The following COMMD10 variants were observed in gnomAD, a reference collection of about 807,000 sequenced individuals.
The protein encoded by COMMD10 is COMM domain containing 10, also known as COMM domain-containing protein 10.
COMMD10 carries 33 observed loss-of-function variants against 28.9 expected under a neutral mutation model. The observed-to-expected ratio is 1.14, with a 90% CI of 0.87 to 1.53. COMMD10 has a LOEUF of 1.53. Among genes scored for constraint, COMMD10 ranks in the 40% most tolerant of loss-of-function variants. COMMD10 has a pLI of 0.00. For synonymous variants in COMMD10, 110 were observed against 81.7 expected, an observed-to-expected ratio of 1.35 and a Z score of -1.87; for missense variants, 310 against 233.4, an observed-to-expected ratio of 1.33 and a Z score of -2.14.
intron 5 of COMMD10, among the ~76,000 whole-genome samples, chr5:116,178,067 CT>C (rs1407173459): frequency 6.6e-6 from 1 of 151,986 alleles, no homozygotes; most frequent in Non-Finnish European, 1.5e-5. Flanking sequence ...TGTTTTCTGC[CT>C]GTAAAAGAAA....
intron 5 of COMMD10, among the ~76,000 whole-genome samples, chr5:116,196,565 G>T (rs1223183476): frequency 6.6e-6 from 1 of 151,012 alleles, no homozygotes; most frequent in Non-Finnish European, 1.5e-5. Flanking sequence ...TTTGGTTAAT[G>T]TAGATTATTA....
At chr5:116,291,489 T>G (rs1451302198) in intron 5 of COMMD10, 28 bp from the exon 6 acceptor site, 1 of 1,522,630 alleles carries the variant, frequency 6.6e-7, no homozygotes, top group Non-Finnish European at 9.0e-7. Flanking sequence ...TGCAACTACA[T>G]TCTTTTTGTT....
At chr5:116,197,755 C>T (rs1357834491) in intron 5 of COMMD10, among the ~76,000 whole-genome samples, 1 of 152,054 alleles carries the variant, frequency 6.6e-6, no homozygotes, top group Admixed American at 6.6e-5. Flanking sequence ...TCTGACACTG[C>T]AGTAAAGTGC....
chr5:116,122,362 C>T (rs1284241470), intron 4 of COMMD10, among the ~76,000 whole-genome samples: 1 of 152,186 alleles, frequency 6.6e-6, no homozygotes, highest in Admixed American at 6.5e-5. Flanking sequence ...GGTACCAGTA[C>T]CATGCTGTTT....
chr5:116,139,290 A>G (rs563354161), intron 5 of COMMD10, among the ~76,000 whole-genome samples: 2 of 151,894 alleles, frequency 1.3e-5, no homozygotes, highest in African/African-American at 4.8e-5. Flanking sequence ...ATTCTTATGT[A>G]GTAAGTAAAG....
At chr5:116,181,160 A>T (rs1271497468) in intron 5 of COMMD10, among the ~76,000 whole-genome samples, 1 of 152,078 alleles carries the variant, frequency 6.6e-6, no homozygotes, top group African/African-American at 2.4e-5. Flanking sequence ...TTATAAAATA[A>T]AAAAGTCTTT....
chr5:116,288,729 T>TTA (rs1237078949), intron 5 of COMMD10, among the ~76,000 whole-genome samples: 4 of 151,762 alleles, frequency 2.6e-5, no homozygotes, highest in Non-Finnish European at 5.9e-5. Flanking sequence ...ATACCTCTAA[T>TTA]AAGTTTTTCC....
intron 5 of COMMD10, among the ~76,000 whole-genome samples, chr5:116,288,651 G>C (rs187712209): frequency 2.6e-5 from 4 of 151,108 alleles, no homozygotes; most frequent in African/African-American, 9.8e-5. Context: ...TTTCTCCTCT[G>C]CTCAGTGATT....
At chr5:116,256,703 G>A (rs554526744) in intron 5 of COMMD10, among the ~76,000 whole-genome samples, 9 of 151,900 alleles carry the variant, frequency 5.9e-5, no homozygotes, top group East Asian at 1.9e-4. Flanking sequence ...AAGTCTTAAC[G>A]TGAATTCATT....
chr5:116,232,346 T>TA (rs113622869), intron 5 of COMMD10, among the ~76,000 whole-genome samples: 39,512 of 144,552 alleles, frequency 0.27, 5,670 homozygotes, highest in African/African-American at 0.4. Flanking sequence ...ATCACTGTCC[T>TA]AAAAAAAAAA....
intron 5 of COMMD10, among the ~76,000 whole-genome samples, chr5:116,280,609 C>T (rs767559689): frequency 1.3e-5 from 2 of 151,768 alleles, no homozygotes; most frequent in African/African-American, 2.4e-5. Flanking sequence ...ACATGTTACT[C>T]TTAAATGTTT....
chr5:116,271,019 G>A (rs148903546), intron 5 of COMMD10, among the ~76,000 whole-genome samples: 2,191 of 151,436 alleles, frequency 0.014, 81 homozygotes, highest in African/African-American at 0.046. Flanking sequence ...TCATAAATTG[G>A]GGCAGGAAAT....
At chr5:116,142,279 C>T (rs1422265546) in intron 5 of COMMD10, among the ~76,000 whole-genome samples, 2 of 151,722 alleles carry the variant, frequency 1.3e-5, no homozygotes, top group African/African-American at 2.4e-5. Context: ...CTATGACAGA[C>T]ATATTAGGAT....
chr5:116,220,247 A>G (rs1342825678), intron 5 of COMMD10, among the ~76,000 whole-genome samples: 1 of 152,190 alleles, frequency 6.6e-6, no homozygotes, highest in African/African-American at 2.4e-5. Context: ...ATAACAATCT[A>G]GGTACTGAGT....
At chr5:116,151,772 G>A (rs1048086100) in intron 5 of COMMD10, among the ~76,000 whole-genome samples, 1 of 151,910 alleles carries the variant, frequency 6.6e-6, no homozygotes, top group African/African-American at 2.4e-5. Context: ...TCTTGCTAAT[G>A]GTCTATCAAT....
In COMMD10 at chr5:116,134,131, TCTC is replaced by T; in HGVS notation, c.467_469del (p.Pro156del). On this transcript the variant is annotated inframe_deletion, in exon 5 of 7. Coordinates refer to ENST00000274458, the MANE Select transcript of COMMD10 (RefSeq NM_016144.4). Reference sequence around the variant, plus strand: ...TCACTCTGCTCAAGCAAAACTAAAATCTCCTCAAGCTGTGTTACAACTCGGAGT... The same window carrying T: ...TCACTCTGCTCAAGCAAAACTAAAATCTCAAGCTGTGTTACAACTCGGAGT... 1 of 1,612,608 alleles carries T rather than the reference TCTC, an allele frequency of 6.2e-7. No individual in the cohort carries two copies. The highest frequency in any genetic ancestry group is 8.5e-7 in the Non-Finnish European group (1 of 1,178,652).
At chr5:116,129,357 G>A (rs9764338) in intron 4 of COMMD10, among the ~76,000 whole-genome samples, 1 of 143,240 alleles carries the variant, frequency 7.0e-6, no homozygotes, top group Non-Finnish European at 1.5e-5. Flanking sequence ...GTATATATAT[G>A]CTATATACTA....
Position 116,087,602 on chromosome 5 carries a change from G to A in COMMD10, c.132+15G>A, listed in dbSNP as rs187312352. The A allele has an allele frequency of 4.2e-3, 6,334 of 1,523,082 alleles. 22 individuals carry two copies. The highest frequency in any genetic ancestry group is 6.8e-3 in the African/African-American group (497 of 73,158). The allele number at this position is 1,523,082 out of a possible 1,614,324, so 94.3% of individuals were successfully genotyped here. ...TTCACCTGAAGGTTTGTATTTGTGT[G>A]TTTCCATGCCTTGTAATCTTCCTTC... On this transcript the variant is annotated intron_variant, in intron 2 of 6. Transcript: ENST00000274458.
At position 116,163,601 on chromosome 5, in the gene COMMD10, A is replaced by T. The variant is rs1752994577; in HGVS notation, c.510+29423A>T. On this transcript the variant is annotated intron_variant, in intron 5 of 6. Transcript: ENST00000274458. ...CAACACTCTGTCTCCAAAAAAATAA[A>T]AATAAAATAAAATAAACCAAAAACT... Among the ~76,000 whole-genome samples, 5 of 152,160 alleles carry T rather than the reference A, an allele frequency of 3.3e-5. No homozygotes were observed. The South Asian group carries it at 1.0e-3, about 32-fold the overall frequency.
Sources: gnomAD v4.1 joint callset for allele counts (sites outside exome capture counted in the v4.1 genomes callset) on GRCh38, gnomAD v4.1.1 for gene constraint, MANE v1.5 for transcripts, NCBI Gene and HGNC (gene_info 2026-07-23, HGNC 2026-07-21) for gene names.